The following LRIG1 variants were observed in gnomAD, a reference collection of about 807,000 sequenced individuals.
LRIG1 encodes the protein leucine-rich repeats and immunoglobulin-like domains protein 1.
LRIG1 carries 48 observed loss-of-function variants against 99.2 expected under a neutral mutation model. The observed-to-expected ratio is 0.48, with a 90% CI of 0.38 to 0.62. The LOEUF (loss-of-function observed/expected upper bound fraction) is 0.62, where lower values mean the gene tolerates loss of function less well. Ranked by LOEUF, LRIG1 falls within the 20% of genes least tolerant of loss-of-function variation. The pLI is 0.00. For synonymous variants in LRIG1, 772 were observed against 596.1 expected (o/e 1.29, Z -4.30); for missense variants, 1,646 against 1,434.4 (o/e 1.15, Z -2.38).
chr3:66,452,212 T>C (rs1244251385), intron 2 of LRIG1, among the ~76,000 whole-genome samples: 3 of 152,074 alleles, frequency 2.0e-5, no homozygotes, highest in East Asian at 3.9e-4. Flanking sequence ...CCCAGGAAAA[T>C]GAACATATAT....
chr3:66,393,678 GA>G (rs1701715425), intron 12 of LRIG1, among the ~76,000 whole-genome samples: 1 of 152,190 alleles, frequency 6.6e-6, no homozygotes, highest in Admixed American at 6.5e-5. Flanking sequence ...CTTGGGGTCG[GA>G]AAGAAACACA....
At chr3:66,427,326 A>G (rs1457053274) in intron 3 of LRIG1, among the ~76,000 whole-genome samples, 1 of 152,194 alleles carries the variant, frequency 6.6e-6, no homozygotes, top group Non-Finnish European at 1.5e-5. Flanking sequence ...ACAACATATC[A>G]CACCTGGAAT....
chr3:66,398,820 G>A (rs1342938655), intron 10 of LRIG1, 150 bp downstream of exon 10: 5 of 665,954 alleles, frequency 7.5e-6, no homozygotes, highest in South Asian at 1.8e-5. Flanking sequence ...AAAGGCCAAA[G>A]CTGAAGCTGA....
rs534335877 is a variant in LRIG1, at chr3:66,445,525, C to T, written c.365+6034G>A. On this transcript the variant is annotated intron_variant, in intron 3 of 18. Transcript: ENST00000273261. Reference sequence around the variant, plus strand: ...TTGGTCTTGGGGAGAATCTCTACGCCCACCTCGACTGTACACACACCTATG... The same window carrying T: ...TTGGTCTTGGGGAGAATCTCTACGCTCACCTCGACTGTACACACACCTATG... Among the ~76,000 whole-genome samples, 9 of 152,086 alleles carry T rather than the reference C, an allele frequency of 5.9e-5. No homozygotes were observed. The South Asian group carries it at 1.9e-3, about 32-fold the overall frequency.
At chr3:66,422,166 C>A (rs1188961789) in intron 3 of LRIG1, among the ~76,000 whole-genome samples, 3 of 152,240 alleles carry the variant, frequency 2.0e-5, no homozygotes, top group African/African-American at 7.2e-5. Flanking sequence ...CTCTGACATG[C>A]CCTGGAGACA....
intron 1 of LRIG1, among the ~76,000 whole-genome samples, chr3:66,474,347 CT>C (rs58012350): frequency 0.052 from 7,256 of 140,404 alleles, 417 homozygotes; most frequent in African/African-American, 0.15. Flanking sequence ...CATCTACGTT[CT>C]TTTTTTTTTT....
In LRIG1 at chr3:66,380,427, A is replaced by C. The variant is rs780734779; in HGVS notation, c.3118T>G (p.Ser1040Ala). 131 of 1,614,088 alleles carry C rather than the reference A, an allele frequency of 8.1e-5. No individual in the cohort carries two copies. Among genetic ancestry groups the C allele is most frequent in the Non-Finnish European group, 1.1e-4 (126 of 1,180,046 alleles). Residue 1040 changes from serine (S) to alanine (A), a missense_variant, in exon 19 of 19, where the codon TCT becomes GCT. Ser to Ala is a moderately conservative substitution (Grantham distance 99). Coordinates refer to ENST00000273261, the MANE Select transcript of LRIG1 (RefSeq NM_015541.3). ...HPDSTELQPA[S>A]SLTSGSPERA... ...TCTGGACTGCCTGAAGTTAATGAAG[A>C]TGCAGGCTGTAGCTCTGTGGAGTCC...
chr3:66,450,292 C>T (rs1314347377), intron 3 of LRIG1, among the ~76,000 whole-genome samples: 1 of 152,116 alleles, frequency 6.6e-6, no homozygotes, highest in Non-Finnish European at 1.5e-5. Context: ...GACAACTAGC[C>T]ACCAGCCAAT....
At chr3:66,485,902 C>T (rs1485911113) in intron 1 of LRIG1, among the ~76,000 whole-genome samples, 1 of 152,184 alleles carries the variant, frequency 6.6e-6, no homozygotes, top group Admixed American at 6.5e-5. Context: ...GTGCTTCAAG[C>T]CACCAAAGAC....
chr3:66,381,011 C>G, intron 17 of LRIG1, 150 bp from the exon 18 acceptor site: 1 of 750,406 alleles, frequency 1.3e-6, no homozygotes, highest in Non-Finnish European at 2.1e-6. Flanking sequence ...CAACTATGTC[C>G]CCAGAGAAAG....
intron 1 of LRIG1, among the ~76,000 whole-genome samples, chr3:66,479,397 T>A (rs1278788196): frequency 6.6e-6 from 1 of 152,230 alleles, no homozygotes; most frequent in African/African-American, 2.4e-5. Context: ...TCCTGCCACA[T>A]TTTCTTTTTC....
intron 3 of LRIG1, among the ~76,000 whole-genome samples, chr3:66,442,782 T>A (rs1484594271): frequency 6.6e-6 from 1 of 152,134 alleles, no homozygotes; most frequent in Non-Finnish European, 1.5e-5. Context: ...AAAAAAGCCC[T>A]ACGCTCAACA....
At chr3:66,392,011 C>G (rs812481) in intron 12 of LRIG1, among the ~76,000 whole-genome samples, 99,548 of 152,104 alleles carry the variant, frequency 0.65, 34,442 homozygotes, top group African/African-American at 0.88. Context: ...TCTACCTCCA[C>G]AGATTTCCCC....
At chr3:66,405,162 C>G in intron 9 of LRIG1, 36 bp downstream of exon 9, 1 of 1,590,644 alleles carries the variant, frequency 6.3e-7, no homozygotes, top group Non-Finnish European at 8.6e-7. Flanking sequence ...GTGTCCCGCG[C>G]ATTTGCCGGC....
intron 1 of LRIG1, among the ~76,000 whole-genome samples, chr3:66,465,051 T>C (rs1449817905): frequency 6.6e-6 from 1 of 152,118 alleles, no homozygotes; most frequent in Non-Finnish European, 1.5e-5. Context: ...AAAAGCCACC[T>C]ATCAACATTC....
intron 3 of LRIG1, among the ~76,000 whole-genome samples, chr3:66,440,457 T>G (rs1045291458): frequency 6.6e-6 from 1 of 152,174 alleles, no homozygotes; most frequent in African/African-American, 2.4e-5. Context: ...GTAAGAGGAA[T>G]GAACAGATAC....
At chr3:66,438,504 G>A (rs1208191516) in intron 3 of LRIG1, among the ~76,000 whole-genome samples, 1 of 151,988 alleles carries the variant, frequency 6.6e-6, no homozygotes, top group African/African-American at 2.4e-5. Context: ...AGTGTTTTGT[G>A]AAACGTCCTA....
chr3:66,451,591 G>A lies in LRIG1; in HGVS notation c.333C>T (p.Gly111=), dbSNP rs745810155. The A allele has an allele frequency of 1.2e-5, 19 of 1,613,898 alleles. No homozygotes were observed. The highest frequency in any genetic ancestry group is 1.6e-4 in the Middle Eastern group (1 of 6,084). Residue 111 remains glycine, a synonymous_variant, in exon 3 of 19, where the codon GGC becomes GGT. Transcript: ENST00000273261. ...GAGAGACGACATGTGATGAAGCAGC[G>A]CCCAGGGATGGTACCGCTGTCAACT... ...NNELTAVPSL[G]AASSHVVSLF... is the part of the protein sequence containing the mutation.
intron 1 of LRIG1, among the ~76,000 whole-genome samples, chr3:66,467,168 T>C (rs1331547841): frequency 6.6e-6 from 1 of 152,088 alleles, no homozygotes; most frequent in Non-Finnish European, 1.5e-5. Flanking sequence ...CTGAGCACGT[T>C]TCCTAACAAG....
Sources: allele counts gnomAD v4.1 joint callset (sites outside exome capture counted in the v4.1 genomes callset), GRCh38; gene constraint gnomAD v4.1.1; transcripts MANE v1.5; gene names NCBI Gene and HGNC (gene_info 2026-07-23, HGNC 2026-07-21).